MARCHF1: variants seen among roughly 807,000 people sequenced by gnomAD.
MARCHF1 encodes membrane associated ring-CH-type finger 1.
MARCHF1 carries 40 observed loss-of-function variants against 54.2 expected under a neutral mutation model. The ratio of observed to expected loss-of-function variants is 0.74; its 90% confidence interval spans 0.57 to 0.96. The LOEUF is 0.96. Among genes scored for constraint, MARCHF1 ranks in the 40% least tolerant of loss-of-function variants. The pLI, the probability that MARCHF1 is intolerant of heterozygous loss-of-function variation, is 0.00. For missense variants in MARCHF1, 586 were observed against 656.5 expected, an observed-to-expected ratio of 0.89 and a Z score of 1.17; for synonymous variants, 236 against 236.3, an observed-to-expected ratio of 1.00 and a Z score of 0.01.
At chr4:163,731,786 G>A (rs1272990766) in intron 4 of MARCHF1, among the ~76,000 whole-genome samples, 2 of 152,194 alleles carry the variant, frequency 1.3e-5, no homozygotes, top group African/African-American at 2.4e-5. Context: ...TTAATCACCT[G>A]AATGGGTAAT....
At chr4:164,001,345 A>G (rs1235091223) in intron 2 of MARCHF1, among the ~76,000 whole-genome samples, 1 of 151,806 alleles carries the variant, frequency 6.6e-6, no homozygotes, top group Non-Finnish European at 1.5e-5. Flanking sequence ...CTGTTAGGTT[A>G]CAAACACCTA....
chr4:163,894,907 A>ACACG (rs1491518420), intron 3 of MARCHF1, among the ~76,000 whole-genome samples: 1 of 388 alleles, frequency 2.6e-3, no homozygotes, highest in African/African-American at 4.6e-3. Flanking sequence ...CATGTGATGC[A>ACACG]TATATATATA....
chr4:164,378,293 A>C (rs1731257589), intron 1 of MARCHF1, among the ~76,000 whole-genome samples: 1 of 152,202 alleles, frequency 6.6e-6, no homozygotes, highest in African/African-American at 2.4e-5. Context: ...GTCTTGAGGG[A>C]CTGGAGAGAC....
At chr4:163,555,142 A>T (rs1739241126) in intron 8 of MARCHF1, among the ~76,000 whole-genome samples, 2 of 152,250 alleles carry the variant, frequency 1.3e-5, no homozygotes, top group Non-Finnish European at 2.9e-5. Context: ...CTGAGGGTAG[A>T]TATAATATGT....
chr4:163,671,400 A>C (rs1743731273), intron 5 of MARCHF1, among the ~76,000 whole-genome samples: 1 of 152,220 alleles, frequency 6.6e-6, no homozygotes, highest in African/African-American at 2.4e-5. Flanking sequence ...GCTTTAGTAG[A>C]GATTTATAAT....
intron 3 of MARCHF1, among the ~76,000 whole-genome samples, chr4:163,972,937 A>G (rs1752577148): frequency 6.6e-6 from 1 of 152,210 alleles, no homozygotes; most frequent in African/African-American, 2.4e-5. Flanking sequence ...AGTTACTAAC[A>G]GTGTAATTGT....
At position 163,528,843 on chromosome 4, in the gene MARCHF1, C is replaced by G; in HGVS notation, c.1543G>C (p.Asp515His). 1 of 1,613,368 alleles carries G rather than the reference C, an allele frequency of 6.2e-7. No homozygotes were observed. The highest frequency in any genetic ancestry group is 8.5e-7 in the Non-Finnish European group (1 of 1,179,540). The part of the protein sequence containing the change: ...EKNFSCNVNT[D>H]IKDAVVVPVP... ...GGCACTACCACAGCATCTTTGATGT[C>G]TGTGTTTACATTACATGAGAAGTTC... is the stretch of plus-strand genomic sequence containing the variant. Residue 515 changes from aspartate to histidine, a missense_variant, in exon 10 of 10, where the codon GAC becomes CAC. Physicochemically the swap from Asp to His is moderately conservative, Grantham distance 81. This residue lies in a region of MARCHF1 where 106 missense variants were observed against 93.8 expected (regional missense o/e 1.13). Coordinates refer to ENST00000514618, the MANE Select transcript of MARCHF1 (RefSeq NM_001394959.1).
chr4:164,013,368 G>A (rs1753465966), intron 2 of MARCHF1, among the ~76,000 whole-genome samples: 1 of 151,712 alleles, frequency 6.6e-6, no homozygotes. Context: ...AAAGAAAAAA[G>A]GATAGAAGGA....
chr4:164,076,941 A>C (rs954455650), intron 2 of MARCHF1, among the ~76,000 whole-genome samples: 1 of 152,240 alleles, frequency 6.6e-6, no homozygotes, highest in Non-Finnish European at 1.5e-5. Flanking sequence ...GTATCGTGAA[A>C]ATGGCCATAC....
At chr4:163,677,494 T>A (rs1743957868) in intron 5 of MARCHF1, among the ~76,000 whole-genome samples, 1 of 152,218 alleles carries the variant, frequency 6.6e-6, no homozygotes, top group East Asian at 1.9e-4. Flanking sequence ...GCTTTCTCCA[T>A]GTTTAGTGCT....
rs1750618978 is a variant in MARCHF1 at position 163,889,919 on chromosome 4, C to CTTTTTCTTTTTTTTTTT, written c.-38-35751_-38-35750insAAAAAAAAAAAGAAAAA. 1.7e-5 allele frequency among the ~76,000 whole-genome samples: 2 copies of CTTTTTCTTTTTTTTTTT among 117,238 alleles called. 1 individual carries two copies. Among genetic ancestry groups the CTTTTTCTTTTTTTTTTT allele is most frequent in the Non-Finnish European group, 3.3e-5 (2 of 59,706 alleles). 76.9% of individuals were successfully genotyped at this position (117,238 alleles called of 152,430 possible). The stretch of plus-strand genomic sequence containing the variant: ...ATGTTAAACTTCGTTTATTTATTTT[C>CTTTTTCTTTTTTTTTTT]TTTTTTCTTTTTTTTTTTTTTTTGA... On this transcript the variant is annotated intron_variant, in intron 3 of 9. Transcript: ENST00000514618.
intron 4 of MARCHF1, among the ~76,000 whole-genome samples, chr4:163,717,960 A>G (rs953356199): frequency 1.3e-5 from 2 of 152,184 alleles, no homozygotes; most frequent in Non-Finnish European, 2.9e-5. Context: ...AGAGATATAG[A>G]CCAATGGAAC....
chr4:164,366,324 A>G (rs902756316), intron 1 of MARCHF1, among the ~76,000 whole-genome samples: 8 of 152,208 alleles, frequency 5.3e-5, no homozygotes, highest in Admixed American at 3.3e-4. Flanking sequence ...TGGCTCTTAT[A>G]AAGTTTACAC....
intron 3 of MARCHF1, among the ~76,000 whole-genome samples, chr4:163,930,329 C>G (rs955162994): frequency 1.3e-5 from 2 of 151,718 alleles, no homozygotes; most frequent in Admixed American, 6.6e-5. Flanking sequence ...GAATAGGAAC[C>G]AACAGATCAT....
chr4:163,912,576 G>T (rs891532917), intron 3 of MARCHF1, among the ~76,000 whole-genome samples: 2 of 152,080 alleles, frequency 1.3e-5, no homozygotes, highest in African/African-American at 4.8e-5. Flanking sequence ...TGGCTGATTT[G>T]ATTGTTTTCA....
At chr4:163,834,448 T>A (rs1198757230) in intron 4 of MARCHF1, among the ~76,000 whole-genome samples, 2 of 152,186 alleles carry the variant, frequency 1.3e-5, no homozygotes, top group African/African-American at 4.8e-5. Flanking sequence ...ATTGGATCTT[T>A]TTTAAAATTT....
chr4:164,155,434 A>G (rs910039883), intron 1 of MARCHF1, among the ~76,000 whole-genome samples: 11 of 152,206 alleles, frequency 7.2e-5, no homozygotes, highest in Admixed American at 7.2e-4. Flanking sequence ...ACTTTACTGA[A>G]GAGCTAATAA....
Position 164,196,964 on chromosome 4 carries a change from G to A in MARCHF1, c.-322-85302C>T, listed in dbSNP as rs373282663. On this transcript the variant is annotated intron_variant, in intron 1 of 9. Transcript: ENST00000514618. ...TCACAATAGGAATTTTTCAAAATAGGTTATTCTACTTAGTCATCATCTTCT... is the reference window on the plus strand; with the variant it reads ...TCACAATAGGAATTTTTCAAAATAGATTATTCTACTTAGTCATCATCTTCT... The A allele has an allele frequency of 3.1e-6, 5 of 1,600,320 alleles. No homozygotes were observed. The South Asian group carries it at 4.4e-5, about 14-fold the overall frequency.
Position 163,612,737 on chromosome 4 carries a change from T to G in MARCHF1, c.544A>C (p.Arg182=), listed in dbSNP as rs929202372. The G allele has an allele frequency of 1.3e-6, 2 of 1,535,454 alleles. No homozygotes were observed. Among genetic ancestry groups the G allele is most frequent in the Admixed American group, 2.0e-5 (1 of 50,946 alleles). ...QAKRRAQVKF[R]LSRRRRRNNN... Reference sequence around the variant, plus strand: ...TTTCTCCTCCTTCTTCTTGACAGTCTGAATTTAACCTGGGCTCTTCTTTTT... The same window carrying G: ...TTTCTCCTCCTTCTTCTTGACAGTCGGAATTTAACCTGGGCTCTTCTTTTT... Residue 182 remains arginine (R), a synonymous_variant, in exon 7 of 10, where the codon AGA becomes CGA. Transcript: ENST00000514618.
Sources: allele counts gnomAD v4.1 joint callset (sites outside exome capture counted in the v4.1 genomes callset), GRCh38; gene constraint gnomAD v4.1.1; regional missense constraint gnomAD v4.1.1; transcripts MANE v1.5; gene names NCBI Gene and HGNC (gene_info 2026-07-23, HGNC 2026-07-21).